Variants in NPTN observed in about 807,000 individuals in gnomAD.
NPTN encodes neuroplastin.
A neutral mutation model predicts 42.7 loss-of-function variants in NPTN; 5 were observed. The observed-to-expected ratio is 0.12, with a 90% CI of 0.06 to 0.25. NPTN has a LOEUF of 0.25. Ranked by LOEUF, NPTN falls within the 10% of genes least tolerant of loss-of-function variation. NPTN has a pLI of 1.00. For synonymous variants in NPTN, 180 were observed against 201.9 expected (o/e 0.89, Z 0.92); for missense variants, 307 against 525.4 (o/e 0.58, Z 4.06).
chr15:73,580,433 A>T (rs1472538201), intron 4 of NPTN, among the ~76,000 whole-genome samples: 1 of 78,808 alleles, frequency 1.3e-5, no homozygotes, highest in African/African-American at 5.2e-5. Context: ...TATATATATA[A>T]TATATATAAT....
chr15:73,626,496 A>G (rs978428873), intron 1 of NPTN, among the ~76,000 whole-genome samples: 58 of 152,262 alleles, frequency 3.8e-4, no homozygotes, highest in African/African-American at 1.4e-3. Flanking sequence ...AGGGCAAGAT[A>G]TTTAGTAATT....
At position 73,621,231 on chromosome 15, in the gene NPTN, C is replaced by T. The variant is rs58131218; in HGVS notation, c.91+11894G>A. On this transcript the variant is annotated intron_variant, in intron 1 of 8. Transcript: ENST00000345330. ...GCACACTACAAAGATTACAGAAATT[C>T]GATATTAACCTTCCCTAGTAGAGAG... is the stretch of plus-strand genomic sequence containing the variant. 1.6e-3 allele frequency among the ~76,000 whole-genome samples: 245 copies of T among 151,938 alleles called. 3 individuals are homozygous for T. The East Asian group carries it at 0.03, about 19-fold the overall frequency.
rs1313268339 is a variant in NPTN, at chr15:73,569,859, C to G, written c.1114+291G>C. The G allele has an allele frequency of 1.0e-6, 1 of 965,458 alleles. No individual in the cohort carries two copies. Among genetic ancestry groups the G allele is most frequent in the Non-Finnish European group, 1.2e-6 (1 of 811,994 alleles). The allele number at this position is 965,458 out of a possible 1,614,324, so 59.8% of individuals were successfully genotyped here. A position where few individuals can be genotyped will look rare whatever the true frequency, so the allele number is the denominator to read the frequency against. On this transcript the variant is annotated intron_variant, in intron 6 of 8. Coordinates refer to ENST00000345330, the MANE Select transcript of NPTN (RefSeq NM_012428.4). The surrounding 1 kb of genome is among the most constrained non-coding windows in gnomAD (Gnocchi z 4.1). ...AAAGAGACTGACAGCTGCCCATTCA[C>G]CACATGGGGCCTGAAAGGCAGATGG... is the stretch of plus-strand genomic sequence containing the variant.
chr15:73,592,311 A>T (rs1896631379), intron 2 of NPTN, among the ~76,000 whole-genome samples, 174 bp from the exon 3 acceptor site: 1 of 152,192 alleles, frequency 6.6e-6, no homozygotes, highest in African/African-American at 2.4e-5. Flanking sequence ...AAAAACAATG[A>T]TTATAAGCAA....
rs567340752 is a variant in NPTN, at chr15:73,594,513, G to A, written c.440-2376C>T. On this transcript the variant is annotated intron_variant, in intron 2 of 8. Coordinates refer to ENST00000345330, the MANE Select transcript of NPTN (RefSeq NM_012428.4). ...CACCATAGGAGGGTTGTGGGGTAGG[G>A]TAACCTGCCTCCTGTGATTGCTGTA... Among the ~76,000 whole-genome samples, 7 of 152,296 alleles carry A rather than the reference G, an allele frequency of 4.6e-5. No homozygotes were observed. In the East Asian group the frequency reaches 1.2e-3, roughly 25 times the overall value.
chr15:73,627,196 A>G (rs1898464360), intron 1 of NPTN, among the ~76,000 whole-genome samples: 1 of 152,200 alleles, frequency 6.6e-6, no homozygotes, highest in African/African-American at 2.4e-5. Flanking sequence ...AGATCATGCC[A>G]CTGCACTCCA....
chr15:73,604,434 C>T (rs1342375487), intron 1 of NPTN, among the ~76,000 whole-genome samples: 2 of 152,066 alleles, frequency 1.3e-5, no homozygotes, highest in East Asian at 1.9e-4. Flanking sequence ...CCAGCCTGAA[C>T]GACAGAGGAG....
chr15:73,594,884 T>C (rs1896760437), intron 2 of NPTN, among the ~76,000 whole-genome samples: 1 of 150,146 alleles, frequency 6.7e-6, no homozygotes, highest in Non-Finnish European at 1.5e-5. Flanking sequence ...GATGTCCCCA[T>C]AGAGCAATGT....
chr15:73,596,933 C>A, intron 2 of NPTN, 89 bp downstream of exon 2: 1 of 1,078,522 alleles, frequency 9.3e-7, no homozygotes, highest in Non-Finnish European at 1.3e-6. Flanking sequence ...AGTGATCATA[C>A]TGGGGAAGAG....
intron 8 of NPTN, among the ~76,000 whole-genome samples, chr15:73,561,283 G>GA (rs1429737775): frequency 1.3e-5 from 2 of 152,196 alleles, no homozygotes; most frequent in Admixed American, 6.5e-5. Flanking sequence ...AGCCACCTAA[G>GA]AAGGTGACAA....
intron 1 of NPTN, among the ~76,000 whole-genome samples, chr15:73,632,173 C>G (rs542040028): frequency 1.2e-3 from 183 of 152,140 alleles, no homozygotes; most frequent in African/African-American, 4.1e-3. Context: ...CCAACTCCTC[C>G]CTTCCCTAAT....
At chr15:73,567,334 A>G in intron 6 of NPTN, 1 of 985,206 alleles carries the variant, frequency 1.0e-6, no homozygotes, top group Non-Finnish European at 1.2e-6. Context: ...AAAAATTCCC[A>G]TTTTCCTAAT....
chr15:73,622,191 T>A (rs1406912031), intron 1 of NPTN, among the ~76,000 whole-genome samples: 1 of 151,980 alleles, frequency 6.6e-6, no homozygotes, highest in African/African-American at 2.4e-5. Context: ...AACAAAGTAA[T>A]CACATCCCTA....
At chr15:73,585,846 C>T (rs114673890) in intron 4 of NPTN, among the ~76,000 whole-genome samples, 5 of 152,292 alleles carry the variant, frequency 3.3e-5, no homozygotes, top group Admixed American at 6.5e-5. Flanking sequence ...GAATATAACA[C>T]GTAAGTTGTA....
At chr15:73,566,016 T>C (rs867694698) in intron 6 of NPTN, among the ~76,000 whole-genome samples, 1 of 152,256 alleles carries the variant, frequency 6.6e-6, no homozygotes, top group Non-Finnish European at 1.5e-5. Context: ...GAAGGTTTTA[T>C]GGTTTCTAAA....
chr15:73,564,676 G>A (rs1894876202), intron 6 of NPTN, among the ~76,000 whole-genome samples: 1 of 152,098 alleles, frequency 6.6e-6, no homozygotes, highest in Admixed American at 6.5e-5. Flanking sequence ...AGACATACCA[G>A]GTACTAAGAC....
chr15:73,620,768 G>T (rs1389474296), intron 1 of NPTN, among the ~76,000 whole-genome samples: 5 of 152,154 alleles, frequency 3.3e-5, no homozygotes, highest in African/African-American at 1.2e-4. Flanking sequence ...CACCTTTTCA[G>T]AAAATCACAT....
intron 4 of NPTN, among the ~76,000 whole-genome samples, chr15:73,583,514 C>T (rs1347998348): frequency 6.6e-6 from 1 of 152,138 alleles, no homozygotes; most frequent in Non-Finnish European, 1.5e-5. Context: ...TAGCACAGTG[C>T]CTGACCCACA....
chr15:73,568,501 A>G, intron 6 of NPTN: 2 of 985,310 alleles, frequency 2.0e-6, no homozygotes, highest in Non-Finnish European at 2.4e-6. Flanking sequence ...AAACACACGA[A>G]AGACAGGCAA....
Sources: allele counts gnomAD v4.1 joint callset (sites outside exome capture counted in the v4.1 genomes callset), GRCh38; gene constraint gnomAD v4.1.1; non-coding constraint Gnocchi (gnomAD v3.1); transcripts MANE v1.5; gene names NCBI Gene and HGNC (gene_info 2026-07-23, HGNC 2026-07-21).